Variants in PPP3CA observed in about 807,000 individuals in gnomAD.
PPP3CA encodes the protein protein phosphatase 3 catalytic subunit alpha, also known as CAM-PRP catalytic subunit.
In PPP3CA, 14 loss-of-function variants were observed where a neutral mutation model predicts 66.5. That is an observed-to-expected ratio of 0.21 (90% CI 0.14 to 0.33). The LOEUF is 0.33. Among genes scored for constraint, PPP3CA ranks in the 10% least tolerant of loss-of-function variants. The probability of loss-of-function intolerance (pLI) is 1.00; values close to 1 mark genes in which losing one functional copy is unlikely to be tolerated. For missense variants in PPP3CA, 317 were observed against 639.5 expected (o/e 0.50, Z 5.44); for synonymous variants, 232 against 226.2 (o/e 1.03, Z -0.23).
intron 3 of PPP3CA, among the ~76,000 whole-genome samples, chr4:101,107,210 TTC>T (rs1359783199): frequency 6.6e-6 from 1 of 152,236 alleles, no homozygotes; most frequent in African/African-American, 2.4e-5. Flanking sequence ...GCTCTCAATA[TTC>T]TTTCACTTTT....
intron 2 of PPP3CA, among the ~76,000 whole-genome samples, chr4:101,133,105 T>A (rs1227217894): frequency 4.6e-5 from 7 of 152,118 alleles, no homozygotes; most frequent in Non-Finnish European, 1.0e-4. Context: ...TATCTCAAAG[T>A]AATAAGAGCT....
intron 2 of PPP3CA, among the ~76,000 whole-genome samples, chr4:101,169,103 AG>A (rs1723787954): frequency 6.6e-6 from 1 of 152,244 alleles, no homozygotes; most frequent in Admixed American, 6.5e-5. Context: ...AATTGCAAAC[AG>A]GAACTACAGA....
chr4:101,151,846 C>T lies in PPP3CA; in HGVS notation c.260-42768G>A, dbSNP rs551025903. ...TAATTTTTTGTATTTTTAGTAGAGA[C>T]GGGGTTTCACCATGTTAGCCAGGAT... On this transcript the variant is annotated intron_variant, in intron 2 of 13. Transcript: ENST00000394854. 2.5e-3 allele frequency among the ~76,000 whole-genome samples: 381 copies of T among 151,590 alleles called. 1 individual carries two copies. Among genetic ancestry groups the T allele is most frequent in the African/African-American group, 8.7e-3 (360 of 41,432 alleles).
At chr4:101,241,382 A>C (rs1263727488) in intron 1 of PPP3CA, among the ~76,000 whole-genome samples, 4 of 152,172 alleles carry the variant, frequency 2.6e-5, no homozygotes, top group Non-Finnish European at 5.9e-5. Flanking sequence ...TATAAAGATC[A>C]AAGATAACAC....
At chr4:101,114,851 CT>C (rs1721790495) in intron 2 of PPP3CA, among the ~76,000 whole-genome samples, 1 of 151,982 alleles carries the variant, frequency 6.6e-6, no homozygotes. Context: ...AAGTATTTGT[CT>C]TTATTTCTTA....
In PPP3CA at chr4:101,290,377, C is replaced by T. The variant is rs1727985264; in HGVS notation, c.58+56362G>A. On this transcript the variant is annotated intron_variant, in intron 1 of 13. Coordinates refer to ENST00000394854, the MANE Select transcript of PPP3CA (RefSeq NM_000944.5). ...GAATTGCCATCCACATTAAACCACCCTTCACATTTGCTTTCCCATCACCAT... is the reference window on the plus strand; with the variant it reads ...GAATTGCCATCCACATTAAACCACCTTTCACATTTGCTTTCCCATCACCAT... Among the ~76,000 whole-genome samples, 3 of 152,204 alleles carry T rather than the reference C, an allele frequency of 2.0e-5. No homozygotes were observed. In the South Asian group the frequency reaches 6.2e-4, roughly 31 times the overall value.
chr4:101,306,594 G>A (rs182473192), intron 1 of PPP3CA, among the ~76,000 whole-genome samples: 1 of 152,234 alleles, frequency 6.6e-6, no homozygotes, highest in South Asian at 2.1e-4. Context: ...GGAAGAATAA[G>A]AGAAGAGAGA....
At chr4:101,280,431 G>C (rs2110277186) in intron 1 of PPP3CA, among the ~76,000 whole-genome samples, 1 of 152,254 alleles carries the variant, frequency 6.6e-6, no homozygotes, top group South Asian at 2.1e-4. Context: ...TCTGAGTGTG[G>C]ACAAGTTAAT....
intron 10 of PPP3CA, among the ~76,000 whole-genome samples, chr4:101,040,817 G>C (rs1419003987): frequency 1.3e-5 from 2 of 152,176 alleles, no homozygotes; most frequent in Non-Finnish European, 2.9e-5. Context: ...AGGTGAGTAA[G>C]AAGCTAACTG....
chr4:101,261,500 TAA>T (rs1727008873), intron 1 of PPP3CA, among the ~76,000 whole-genome samples: 1 of 152,104 alleles, frequency 6.6e-6, no homozygotes, highest in Admixed American at 6.6e-5. Flanking sequence ...TCCAGATTTT[TAA>T]AAGACATTTT....
At chr4:101,124,955 A>C in intron 2 of PPP3CA, among the ~76,000 whole-genome samples, 1 of 152,208 alleles carries the variant, frequency 6.6e-6, no homozygotes, top group East Asian at 1.9e-4. Context: ...TCTTGCTTTC[A>C]CTTTTCATCT....
At chr4:101,080,966 C>A (rs3804357) in intron 7 of PPP3CA, among the ~76,000 whole-genome samples, 45,438 of 151,726 alleles carry the variant, frequency 0.3, 7,203 homozygotes, top group South Asian at 0.49. Flanking sequence ...TACTTTGTAC[C>A]CACCCAAAAT....
intron 2 of PPP3CA, among the ~76,000 whole-genome samples, chr4:101,181,532 G>A (rs868000936): frequency 3.3e-5 from 5 of 151,916 alleles, no homozygotes; most frequent in African/African-American, 9.7e-5. Context: ...TCTGTTATGC[G>A]AATAGTTTTG....
chr4:101,113,708 G>C (rs367684809), intron 2 of PPP3CA, among the ~76,000 whole-genome samples: 1 of 152,072 alleles, frequency 6.6e-6, no homozygotes. Flanking sequence ...GTATCCAGGA[G>C]ATACCCAAAA....
chr4:101,253,192 T>C (rs114543570), intron 1 of PPP3CA, among the ~76,000 whole-genome samples: 6,971 of 152,296 alleles, frequency 0.046, 228 homozygotes, highest in Non-Finnish European at 0.067. Context: ...TATTCATGTT[T>C]AAATACAATT....
At chr4:101,324,143 A>AG (rs1729127788) in intron 1 of PPP3CA, among the ~76,000 whole-genome samples, 2 of 114,756 alleles carry the variant, frequency 1.7e-5, no homozygotes, top group African/African-American at 8.9e-5. Flanking sequence ...AAGGAAGGGA[A>AG]GGAAGGGAGG....
intron 1 of PPP3CA, among the ~76,000 whole-genome samples, chr4:101,330,795 A>G (rs1729362759): frequency 6.6e-6 from 1 of 152,078 alleles, no homozygotes; most frequent in Non-Finnish European, 1.5e-5. Context: ...TTTTTTTCAT[A>G]GCCTTAACCT....
intron 1 of PPP3CA, among the ~76,000 whole-genome samples, chr4:101,325,385 T>C (rs1324658159): frequency 6.6e-6 from 1 of 152,232 alleles, no homozygotes; most frequent in East Asian, 1.9e-4. Flanking sequence ...CACTGTTCTA[T>C]ACATTCCTTA....
chr4:101,165,299 T>C (rs976769983), intron 2 of PPP3CA, among the ~76,000 whole-genome samples: 2 of 152,206 alleles, frequency 1.3e-5, no homozygotes, highest in Non-Finnish European at 2.9e-5. Context: ...TCTCCTTCCA[T>C]AAAGGCAGTC....
Sources: gnomAD v4.1 joint callset for allele counts (sites outside exome capture counted in the v4.1 genomes callset) on GRCh38, gnomAD v4.1.1 for gene constraint, MANE v1.5 for transcripts, NCBI Gene and HGNC (gene_info 2026-07-23, HGNC 2026-07-21) for gene names.